TPTE2: variants seen among roughly 807,000 people sequenced by gnomAD.
TPTE2 encodes the protein phosphatidylinositol 3,4,5-trisphosphate 3-phosphatase TPTE2.
TPTE2 carries 53 observed loss-of-function variants against 78.6 expected under a neutral mutation model. That is an observed-to-expected ratio of 0.67 (90% CI 0.54 to 0.85). TPTE2 has a LOEUF of 0.85. Among genes scored for constraint, TPTE2 ranks in the 40% least tolerant of loss-of-function variants. The pLI is 0.00. For missense variants in TPTE2, 461 were observed against 623.0 expected, an observed-to-expected ratio of 0.74 and a Z score of 2.77; for synonymous variants, 175 against 206.2, an observed-to-expected ratio of 0.85 and a Z score of 1.30.
intron 1 of TPTE2, among the ~76,000 whole-genome samples, chr13:19,509,143 A>G (rs1869265011): frequency 6.6e-6 from 1 of 152,236 alleles, no homozygotes. Context: ...AATATTTAGA[A>G]GAAAATTTAC....
rs1878011375 is a variant in TPTE2 at position 19,448,996 on chromosome 13, C to T, written c.973+1080G>A. Among the ~76,000 whole-genome samples the T allele has an allele frequency of 2.0e-5, 3 of 152,042 alleles. No individual in the cohort carries two copies. In the South Asian group the frequency reaches 6.2e-4, roughly 32 times the overall value. On this transcript the variant is annotated intron_variant, in intron 13 of 19. Transcript: ENST00000400230. Reference sequence around the variant, plus strand: ...CCTGTCACAAGATAATATGGATGAACCTGGAGAACATTATGCTAAGTGAAA... The same window carrying T: ...CCTGTCACAAGATAATATGGATGAATCTGGAGAACATTATGCTAAGTGAAA...
chr13:19,547,720 CAT>C, the TPTE2 span, among the ~76,000 whole-genome samples: 19,271 of 118,878 alleles, frequency 0.16, 1,642 homozygotes, highest in Middle Eastern at 0.27. Context: ...AATAAATATA[CAT>C]ATATATATAT....
chr13:19,540,013 G>A (rs1049153504), upstream of TPTE2, among the ~76,000 whole-genome samples: 2 of 151,966 alleles, frequency 1.3e-5, no homozygotes, highest in Non-Finnish European at 2.9e-5. Context: ...GTGTGGGGGC[G>A]AGTACCTGTA....
upstream of TPTE2, among the ~76,000 whole-genome samples, chr13:19,538,340 C>G (rs1264159170): frequency 6.6e-6 from 1 of 151,898 alleles, no homozygotes; most frequent in East Asian, 1.9e-4. Context: ...CCTGCCTCAG[C>G]CTCCTGAGTA....
intron 15 of TPTE2, among the ~76,000 whole-genome samples, chr13:19,435,517 T>C (rs1298530462): frequency 6.6e-6 from 1 of 152,106 alleles, no homozygotes; most frequent in African/African-American, 2.4e-5. Flanking sequence ...ATGTGATGAC[T>C]ACATGAGGAT....
chr13:19,550,494 T>C, the TPTE2 span, among the ~76,000 whole-genome samples: 2 of 152,200 alleles, frequency 1.3e-5, no homozygotes, highest in Non-Finnish European at 2.9e-5. Context: ...TGTTACTGTA[T>C]ACAACGGAAA....
chr13:19,424,916 C>A, intron 19 of TPTE2, 31 bp downstream of exon 22: 1 of 1,276,124 alleles, frequency 7.8e-7, no homozygotes, highest in Non-Finnish European at 1.1e-6. Context: ...GAAGATTAGG[C>A]TGTTTCTATG....
At chr13:19,502,955 A>T (rs997629524) in intron 1 of TPTE2, among the ~76,000 whole-genome samples, 5 of 152,162 alleles carry the variant, frequency 3.3e-5, no homozygotes, top group African/African-American at 1.2e-4. Flanking sequence ...CCATTAGAAA[A>T]GGATGCAATG....
At chr13:19,538,096 C>T (rs181664279), upstream of TPTE2, among the ~76,000 whole-genome samples, 15 of 152,218 alleles carry the variant, frequency 9.9e-5, no homozygotes, top group East Asian at 9.6e-4. Flanking sequence ...CTTGGTTTTG[C>T]CTTTTTGCTT....
intron 10 of TPTE2, among the ~76,000 whole-genome samples, chr13:19,453,396 A>G (rs1251645296): frequency 7.9e-5 from 12 of 152,030 alleles, no homozygotes; most frequent in Non-Finnish European, 1.3e-4. Context: ...TCCTTAGTAT[A>G]CATATATAGA....
rs1566081108 is a variant in TPTE2 at position 19,535,225 on chromosome 13, ATATAT to A, written c.-44+1366_-44+1370del. 6.8e-5 allele frequency among the ~76,000 whole-genome samples: 5 copies of A among 73,412 alleles called. No homozygotes were observed. The highest frequency in any genetic ancestry group is 1.9e-4 in the African/African-American group (5 of 26,032). 48.2% of individuals were successfully genotyped at this position (73,412 alleles called of 152,430 possible). A position where few individuals can be genotyped will look rare whatever the true frequency, so the allele number is the denominator to read the frequency against. On this transcript the variant is annotated intron_variant, in intron 1 of 17. Coordinates refer to the TPTE2 transcript ENST00000390680. This position sits in a 1 kb window ranked among gnomAD's most constrained non-coding sequence, Gnocchi z 5.1. ...CTCAAAAAAACAAACAAACAAAAAA[ATATAT>A]ATATATATATATTCTTTAGATCCAA... is the stretch of plus-strand genomic sequence containing the variant.
chr13:19,492,278 G>A (rs1881037200), intron 3 of TPTE2, among the ~76,000 whole-genome samples: 2 of 152,116 alleles, frequency 1.3e-5, no homozygotes, highest in African/African-American at 4.8e-5. Flanking sequence ...TTTGGGTTGG[G>A]TCTAGGCACC....
chr13:19,449,026 C>G (rs1878013579), intron 13 of TPTE2, among the ~76,000 whole-genome samples: 1 of 152,068 alleles, frequency 6.6e-6, no homozygotes, highest in Non-Finnish European at 1.5e-5. Context: ...GTGAAATAAG[C>G]CAGGCATAGA....
chr13:19,520,093 A>C (rs936069807), intron 1 of TPTE2, among the ~76,000 whole-genome samples: 1 of 151,860 alleles, frequency 6.6e-6, no homozygotes, highest in Non-Finnish European at 1.5e-5. Flanking sequence ...CATTGATCTT[A>C]TATCTTTTGT....
intron 13 of TPTE2, among the ~76,000 whole-genome samples, chr13:19,438,772 GA>G (rs1877287843): frequency 6.6e-6 from 1 of 152,170 alleles, no homozygotes; most frequent in South Asian, 2.1e-4. Flanking sequence ...TTTAATTCAA[GA>G]AAGAAAATGG....
chr13:19,455,965 C>T (rs1878514627), intron 10 of TPTE2, among the ~76,000 whole-genome samples: 1 of 151,976 alleles, frequency 6.6e-6, no homozygotes, highest in Non-Finnish European at 1.5e-5. Context: ...ATTCTTTCCA[C>T]GTGGGTTTGG....
At chr13:19,491,738 T>C (rs565155685) in intron 3 of TPTE2, among the ~76,000 whole-genome samples, 310 of 151,822 alleles carry the variant, frequency 2.0e-3, no homozygotes, top group Middle Eastern at 3.4e-3. Flanking sequence ...GGCAGGAAAA[T>C]CGCTTGAACC....
intron 13 of TPTE2, among the ~76,000 whole-genome samples, chr13:19,445,617 C>T (rs1877776616): frequency 6.6e-6 from 1 of 152,234 alleles, no homozygotes. Context: ...AATGTGGCCA[C>T]ATGTGCAACA....
At chr13:19,541,775 A>G in the TPTE2 span, among the ~76,000 whole-genome samples, 1 of 152,146 alleles carries the variant, frequency 6.6e-6, no homozygotes, top group Non-Finnish European at 1.5e-5. Context: ...CTTGATAATG[A>G]TTTCTAGTCA....
Sources: allele counts gnomAD v4.1 joint callset (sites outside exome capture counted in the v4.1 genomes callset), GRCh38; gene constraint gnomAD v4.1.1; non-coding constraint Gnocchi (gnomAD v3.1); transcripts MANE v1.5; gene names NCBI Gene and HGNC (gene_info 2026-07-23, HGNC 2026-07-21).